The following GALK2 variants were observed in gnomAD, a reference collection of about 807,000 sequenced individuals.
GALK2 encodes galactokinase 2.
GALK2 carries 36 observed loss-of-function variants against 52.4 expected under a neutral mutation model. The ratio of observed to expected loss-of-function variants is 0.69; its 90% CI spans 0.53 to 0.91. The LOEUF is 0.91. Among genes scored for constraint, GALK2 ranks in the 40% least tolerant of loss-of-function variants. The pLI is 0.00. For synonymous variants in GALK2, 176 were observed against 199.1 expected, an observed-to-expected ratio of 0.88 and a Z score of 0.98; for missense variants, 579 against 559.1, an observed-to-expected ratio of 1.04 and a Z score of -0.36.
At chr15:49,192,487 A>ATATATATGTATG (rs55900640) in intron 1 of GALK2, among the ~76,000 whole-genome samples, 5 of 23,898 alleles carry the variant, frequency 2.1e-4, no homozygotes, top group Middle Eastern at 0.062. Flanking sequence ...ATATATATGT[A>ATATATATGTATG]TATATATATA....
At chr15:49,313,584 T>G (rs180957528) in intron 8 of GALK2, among the ~76,000 whole-genome samples, 11 of 152,374 alleles carry the variant, frequency 7.2e-5, no homozygotes, top group African/African-American at 2.6e-4. Context: ...TCTGCTGCAA[T>G]TGCTCACTGT....
chr15:49,255,619 A>ACT, intron 5 of GALK2, among the ~76,000 whole-genome samples: 1 of 151,322 alleles, frequency 6.6e-6, no homozygotes, highest in Non-Finnish European at 1.5e-5. Context: ...CTGTTTCTCC[A>ACT]ATTGTACTTA....
intron 1 of GALK2, among the ~76,000 whole-genome samples, chr15:49,172,624 A>G (rs2085178272): frequency 6.6e-6 from 1 of 152,222 alleles, no homozygotes; most frequent in South Asian, 2.1e-4. Flanking sequence ...CACAAGGCAC[A>G]TGATCCTTTG....
At chr15:49,192,502 T>TATATATAC (rs1347113165) in intron 1 of GALK2, among the ~76,000 whole-genome samples, 1 of 135,320 alleles carries the variant, frequency 7.4e-6, no homozygotes, top group African/African-American at 2.8e-5. Context: ...TATATATATA[T>TATATATAC]ATATATATAT....
intron 1 of GALK2, among the ~76,000 whole-genome samples, chr15:49,189,288 C>T (rs760456426): frequency 1.1e-4 from 16 of 152,114 alleles, no homozygotes; most frequent in South Asian, 2.1e-4. Flanking sequence ...TTTATATAAT[C>T]GTAGCATAAT....
chr15:49,236,914 T>G (rs1391618838), intron 4 of GALK2, among the ~76,000 whole-genome samples: 1 of 152,240 alleles, frequency 6.6e-6, no homozygotes, highest in Non-Finnish European at 1.5e-5. Context: ...TGGTGGTTTT[T>G]GTTCTTAAAG....
chr15:49,341,393 TG>T (rs1218323144), intron 3 of GALK2, among the ~76,000 whole-genome samples: 1 of 152,218 alleles, frequency 6.6e-6, no homozygotes, highest in Admixed American at 6.5e-5. Context: ...GAGCATAGGA[TG>T]TTTTTTCATT....
chr15:49,358,944 A>G (rs1596498292), intron 3 of GALK2, among the ~76,000 whole-genome samples: 1 of 148,098 alleles, frequency 6.8e-6, no homozygotes, highest in Non-Finnish European at 1.5e-5. Flanking sequence ...CATATCTACA[A>G]CTATCTGATC....
At chr15:49,241,565 G>T (rs115998804) in intron 5 of GALK2, among the ~76,000 whole-genome samples, 3 of 152,298 alleles carry the variant, frequency 2.0e-5, no homozygotes, top group African/African-American at 7.2e-5. Context: ...CAAAGAAGTT[G>T]TACAAAACTT....
At chr15:49,315,863 A>G (rs1228960521) in intron 8 of GALK2, among the ~76,000 whole-genome samples, 1 of 152,190 alleles carries the variant, frequency 6.6e-6, no homozygotes, top group Non-Finnish European at 1.5e-5. Flanking sequence ...GCTTTTTGTC[A>G]AAATCAAAGC....
At chr15:49,174,688 T>C (rs895157298) in intron 1 of GALK2, among the ~76,000 whole-genome samples, 1 of 152,124 alleles carries the variant, frequency 6.6e-6, no homozygotes, top group African/African-American at 2.4e-5. Context: ...GTGTGTATTT[T>C]TGTATTTGTA....
intron 6 of GALK2, among the ~76,000 whole-genome samples, chr15:49,282,390 T>C (rs1420747120): frequency 1.3e-5 from 2 of 152,216 alleles, no homozygotes. Context: ...CTCAATTCCC[T>C]AGTTATTGGA....
rs560727422 is a variant in GALK2, at chr15:49,304,465, G to A, written c.967+11928G>A. The stretch of plus-strand genomic sequence containing the variant: ...GGCTCAGAGGGCTCCATCTCAACAC[G>A]TTTGTCCACAATCATGGCAGGAGGA... On this transcript the variant is annotated intron_variant, in intron 8 of 9. Coordinates refer to ENST00000560031, the MANE Select transcript of GALK2 (RefSeq NM_002044.4). 5.9e-5 allele frequency among the ~76,000 whole-genome samples: 9 copies of A among 152,174 alleles called. No individual in the cohort carries two copies. The South Asian group carries it at 6.2e-4, about 11-fold the overall frequency.
Position 49,215,074 on chromosome 15 carries a change from C to T in GALK2, c.143-2116C>T, listed in dbSNP as rs373793082. 2.0e-4 allele frequency among the ~76,000 whole-genome samples: 31 copies of T among 152,280 alleles called. 1 individual carries two copies. Among genetic ancestry groups the T allele is most frequent in the Admixed American group, 1.3e-3 (20 of 15,296 alleles). On this transcript the variant is annotated intron_variant, in intron 2 of 9. Transcript: ENST00000560031. ...TCTCTCTTGGCCTCTAAGTTTCCTG[C>T]GGAGTTGTCTCCTACTAGACATATT...
intron 1 of GALK2, among the ~76,000 whole-genome samples, chr15:49,174,501 A>G (rs1295092624): frequency 6.6e-6 from 1 of 152,050 alleles, no homozygotes; most frequent in Non-Finnish European, 1.5e-5. Context: ...GCTCACCACC[A>G]CGCCAGGCTA....
intron 3 of GALK2, among the ~76,000 whole-genome samples, chr15:49,222,597 G>T (rs182925964): frequency 6.6e-6 from 1 of 152,024 alleles, no homozygotes; most frequent in South Asian, 2.1e-4. Context: ...AGTTTTTATC[G>T]TGAAAGGATG....
At chr15:49,298,820 T>C (rs1451182885) in intron 8 of GALK2, among the ~76,000 whole-genome samples, 1 of 152,180 alleles carries the variant, frequency 6.6e-6, no homozygotes, top group Non-Finnish European at 1.5e-5. Flanking sequence ...TAGTTTTTGC[T>C]GAATAGTTTT....
At chr15:49,210,688 G>T (rs1042565682) in intron 2 of GALK2, among the ~76,000 whole-genome samples, 4 of 151,914 alleles carry the variant, frequency 2.6e-5, no homozygotes, top group African/African-American at 4.8e-5. Context: ...TGATCCACCC[G>T]CCTCGGCCTC....
intron 3 of GALK2, among the ~76,000 whole-genome samples, chr15:49,364,153 C>T (rs1170983188): frequency 1.3e-5 from 2 of 152,018 alleles, no homozygotes; most frequent in Non-Finnish European, 2.9e-5. Flanking sequence ...AGAGTCCCTC[C>T]TCCTCAATGT....
Sources: allele counts gnomAD v4.1 joint callset (sites outside exome capture counted in the v4.1 genomes callset), GRCh38; gene constraint gnomAD v4.1.1; transcripts MANE v1.5; gene names NCBI Gene and HGNC (gene_info 2026-07-23, HGNC 2026-07-21).